RAD23B: variants seen among roughly 807,000 people sequenced by gnomAD.
RAD23B encodes the protein RAD23 nucleotide excision repair protein B.
Under a neutral mutation model 49.1 loss-of-function variants are expected in RAD23B, and 5 were observed. That is an observed-to-expected ratio of 0.10 (90% CI 0.05 to 0.21). RAD23B has a LOEUF of 0.21. Among genes scored for constraint, RAD23B ranks in the 10% least tolerant of loss-of-function variants. The probability of loss-of-function intolerance (pLI) is 1.00; values close to 1 mark genes in which losing one functional copy is unlikely to be tolerated. For missense variants in RAD23B, 356 were observed against 486.7 expected, an observed-to-expected ratio of 0.73 and a Z score of 2.53; for synonymous variants, 184 against 165.4, an observed-to-expected ratio of 1.11 and a Z score of -0.86.
rs573200907 is a variant in RAD23B, at chr9:107,331,416, T to C, written c.*1760T>C. On this transcript the variant is annotated 3_prime_UTR_variant, in exon 10 of 10. Transcript: ENST00000358015. ...TACTTGGGAGGCTGAGGCATGAGAA[T>C]TGCTTGAACCCGGGAAGTGAAGGTT... The C allele has an allele frequency of 5.7e-5, 21 of 370,984 alleles. No homozygotes were observed. The South Asian group carries it at 1.0e-3, about 18-fold the overall frequency. 23.0% of individuals were successfully genotyped at this position (370,984 alleles called of 1,614,324 possible). A position where few individuals can be genotyped will look rare whatever the true frequency, so the allele number is the denominator to read the frequency against.
At chr9:107,284,137 A>G in intron 1 of RAD23B, 1 of 991,114 alleles carries the variant, frequency 1.0e-6, no homozygotes, top group Non-Finnish European at 1.2e-6. Context: ...TAACCCGAGA[A>G]GATGAGCCTT....
rs1168821250 is a variant in RAD23B, at chr9:107,306,594, T to G, written c.444T>G (p.Pro148=). 28 of 1,614,132 alleles carry G rather than the reference T, an allele frequency of 1.7e-5. No homozygotes were observed. Among genetic ancestry groups the G allele is most frequent in the Non-Finnish European group, 2.3e-5 (27 of 1,180,014 alleles). The part of the protein sequence containing the change: ...APASAAKQEK[P]AEKPAETPVA... ...CTAGTGCAGCTAAACAAGAGAAGCC[T>G]GCAGAAAAGCCAGCAGAGACACCAG... The change falls in exon 4 of 10, where the codon CCT becomes CCG. Residue 148 remains proline (P), a synonymous_variant. Coordinates refer to ENST00000358015, the MANE Select transcript of RAD23B (RefSeq NM_002874.5).
At position 107,294,498 on chromosome 9, in the gene RAD23B, C is replaced by G. The variant is rs1164281457; in HGVS notation, c.67-5643C>G. On this transcript the variant is annotated intron_variant, in intron 1 of 9. Transcript: ENST00000358015. ...AGCGCAGTTAAAGGAGTCATAATTGCATCTGTTGGTGGGCCATATCCTTTC... is the reference window on the plus strand; with the variant it reads ...AGCGCAGTTAAAGGAGTCATAATTGGATCTGTTGGTGGGCCATATCCTTTC... Among the ~76,000 whole-genome samples, 3 of 152,176 alleles carry G rather than the reference C, an allele frequency of 2.0e-5. No homozygotes were observed. The East Asian group carries it at 5.8e-4, about 29-fold the overall frequency.
At position 107,283,490 on chromosome 9, in the gene RAD23B, T is replaced by A; in HGVS notation, c.-140T>A. ...GGGAGAGGCCGCTCCGCTGGGCGAA[T>A]GTGACAAGCCCCCACCCCCACCGCC... On this transcript the variant is annotated 5_prime_UTR_variant, in exon 1 of 10. An upstream start codon of the reference 5' UTR is lost. Transcript: ENST00000358015. The A allele has an allele frequency of 1.8e-6, 1 of 549,152 alleles. No individual in the cohort carries two copies. The highest frequency in any genetic ancestry group is 3.0e-6 in the Non-Finnish European group (1 of 338,184). The allele number at this position is 549,152 out of a possible 1,614,324, so 34.0% of individuals were successfully genotyped here.
chr9:107,323,762 C>T (rs1827150786), intron 7 of RAD23B, 128 bp from the exon 8 acceptor site: 5 of 916,202 alleles, frequency 5.5e-6, no homozygotes. Context: ...TTATTTACTT[C>T]ATTTTATTAC....
At chr9:107,283,827 C>A in intron 1 of RAD23B, 132 bp downstream of exon 1, 1 of 949,370 alleles carries the variant, frequency 1.1e-6, no homozygotes, top group Non-Finnish European at 1.4e-6. Context: ...GGTCCTGGTG[C>A]CGGCCCTGGC....
intron 1 of RAD23B, among the ~76,000 whole-genome samples, chr9:107,293,927 A>G (rs754328773): frequency 1.7e-4 from 26 of 152,164 alleles, no homozygotes; most frequent in African/African-American, 6.3e-4. Flanking sequence ...TGGGACTACA[A>G]GCGGGCACCA....
intron 6 of RAD23B, among the ~76,000 whole-genome samples, 165 bp downstream of exon 6, chr9:107,319,044 CT>C (rs1564250796): frequency 6.7e-6 from 1 of 149,326 alleles, no homozygotes; most frequent in East Asian, 1.9e-4. Context: ...AAAATGTAAC[CT>C]TTTTTAATCT....
At chr9:107,322,681 TCTC>T (rs1191571051) in intron 7 of RAD23B, among the ~76,000 whole-genome samples, 4 of 152,338 alleles carry the variant, frequency 2.6e-5, no homozygotes, top group African/African-American at 4.8e-5. Context: ...TACGCAGTGT[TCTC>T]CTTCGTTCGT....
At position 107,330,171 on chromosome 9, in the gene RAD23B, A is replaced by G. The variant is rs1404998922; in HGVS notation, c.*515A>G. ...AATTGTTGCTGCTTCAAAAATAAGT[A>G]TAAAATTAATATGTAAGGAAGCCCA... On this transcript the variant is annotated 3_prime_UTR_variant, in exon 10 of 10. Transcript: ENST00000358015. The surrounding 1 kb of genome is among the most constrained non-coding windows in gnomAD (Gnocchi z 4.4). The G allele has an allele frequency of 2.0e-5, 3 of 152,648 alleles. No individual in the cohort carries two copies. The highest frequency in any genetic ancestry group is 6.5e-5 in the Admixed American group (1 of 15,282). 9.5% of individuals were successfully genotyped at this position (152,648 alleles called of 1,614,324 possible).
chr9:107,322,124 G>A lies in RAD23B; in HGVS notation c.817+6G>A. 1 of 1,593,538 alleles carries A rather than the reference G, an allele frequency of 6.3e-7. No individual in the cohort carries two copies. On this transcript the variant is annotated splice_donor_region_variant and intron_variant, in intron 7 of 9. Coordinates refer to ENST00000358015, the MANE Select transcript of RAD23B (RefSeq NM_002874.5). The stretch of plus-strand genomic sequence containing the variant: ...TACAACAACAAGTTCTGGAGGTAAA[G>A]CGGAATCTTCTGGATGGGGAGGGAA...
rs1826891394 is a variant in RAD23B at position 107,311,685 on chromosome 9, A to C, written c.501A>C (p.Thr167=). ...VATSPTATDS[T]SGDSSRSNLF... The stretch of plus-strand genomic sequence containing the variant: ...TTTTTCTAAAATCCTTTTGTAGTAC[A>C]TCGGGTGATTCTTCTCGGTCAAACC... The change falls in exon 5 of 10, where the codon ACA becomes ACC. Residue 167 remains threonine (T), a synonymous_variant. Coordinates refer to ENST00000358015, the MANE Select transcript of RAD23B (RefSeq NM_002874.5). 1 of 1,575,236 alleles carries C rather than the reference A, an allele frequency of 6.3e-7. No individual in the cohort carries two copies. The highest frequency in any genetic ancestry group is 8.6e-7 in the Non-Finnish European group (1 of 1,167,668).
rs1833385585 is a variant in RAD23B at position 107,291,560 on chromosome 9, T to C, written c.66+7865T>C. 2.6e-5 allele frequency among the ~76,000 whole-genome samples: 4 copies of C among 152,236 alleles called. No homozygotes were observed. The South Asian group carries it at 8.3e-4, about 31-fold the overall frequency. The stretch of plus-strand genomic sequence containing the variant: ...AAAAATCTCCTGTACTAAATTATTT[T>C]ATTCCTTGGGTCCAGTGAGGAGATT... On this transcript the variant is annotated intron_variant, in intron 1 of 9. Transcript: ENST00000358015.
At position 107,329,680 on chromosome 9, in the gene RAD23B, C is replaced by T; in HGVS notation, c.*24C>T. On this transcript the variant is annotated 3_prime_UTR_variant, in exon 10 of 10. Coordinates refer to ENST00000358015, the MANE Select transcript of RAD23B (RefSeq NM_002874.5). ...GAAAGGGACTTTTTTATATCTCACACTTCACACCAGTGCATTACACTAACT... is the reference window on the plus strand; with the variant it reads ...GAAAGGGACTTTTTTATATCTCACATTTCACACCAGTGCATTACACTAACT... 29 of 1,487,734 alleles carry T rather than the reference C, an allele frequency of 1.9e-5. No individual in the cohort carries two copies. The highest frequency in any genetic ancestry group is 2.6e-5 in the Non-Finnish European group (28 of 1,067,420). The allele number at this position is 1,487,734 out of a possible 1,614,324, so 92.2% of individuals were successfully genotyped here. A position where few individuals can be genotyped will look rare whatever the true frequency, so the allele number is the denominator to read the frequency against.
rs140355448 is a variant in RAD23B, at chr9:107,291,675, C to T, written c.66+7980C>T. The stretch of plus-strand genomic sequence containing the variant: ...GGAACCTACCTTGGGACAGAAATTC[C>T]CCAGGAAATACTCTGGTGCCTGTAC... On this transcript the variant is annotated intron_variant, in intron 1 of 9. Transcript: ENST00000358015. Among the ~76,000 whole-genome samples the T allele has an allele frequency of 5.6e-3, 856 of 152,104 alleles. 19 individuals are homozygous for T. The highest frequency in any genetic ancestry group is 0.042 in the Admixed American group (649 of 15,292).
chr9:107,284,126 G>C, intron 1 of RAD23B: 1 of 993,556 alleles, frequency 1.0e-6, no homozygotes, highest in Non-Finnish European at 1.2e-6. Context: ...CCCAGAGTTG[G>C]TAACCCGAGA....
intron 1 of RAD23B, among the ~76,000 whole-genome samples, chr9:107,293,020 A>G (rs1463175878): frequency 6.6e-6 from 1 of 152,182 alleles, no homozygotes; most frequent in African/African-American, 2.4e-5. Flanking sequence ...AGGAAGTTGG[A>G]TTTAAGGACT....
intron 1 of RAD23B, among the ~76,000 whole-genome samples, chr9:107,292,665 C>T (rs575619878): frequency 1.2e-4 from 12 of 101,642 alleles, no homozygotes; most frequent in Admixed American, 1.5e-4. Flanking sequence ...GGTGACAGAG[C>T]GAGACTCTGT....
intron 1 of RAD23B, among the ~76,000 whole-genome samples, chr9:107,293,547 A>G (rs1833426933): frequency 1.3e-5 from 2 of 152,228 alleles, no homozygotes; most frequent in South Asian, 2.1e-4. Flanking sequence ...TAGTTACAAC[A>G]GTAATAAGGA....
Sources: allele counts gnomAD v4.1 joint callset (sites outside exome capture counted in the v4.1 genomes callset), GRCh38; gene constraint gnomAD v4.1.1; non-coding constraint Gnocchi (gnomAD v3.1); transcripts MANE v1.5; gene names NCBI Gene and HGNC (gene_info 2026-07-23, HGNC 2026-07-21).